The following NFKBIZ variants were observed in gnomAD, a reference collection of about 807,000 sequenced individuals.
The protein encoded by NFKBIZ is NFKB inhibitor zeta.
NFKBIZ carries 19 observed loss-of-function variants against 76.8 expected under a neutral mutation model. That is an observed-to-expected ratio of 0.25 (90% CI 0.17 to 0.36). NFKBIZ has a LOEUF of 0.36. Ranked by LOEUF, NFKBIZ falls within the 10% of genes least tolerant of loss-of-function variation. NFKBIZ has a pLI of 1.00. For missense variants in NFKBIZ, 829 were observed against 910.9 expected (o/e 0.91, Z 1.16); for synonymous variants, 368 against 354.8 (o/e 1.04, Z -0.42).
chr3:101,853,675 G>A lies in NFKBIZ; in HGVS notation c.1149G>A (p.Glu383=). 6.2e-7 allele frequency: 1 copy of A among 1,614,248 alleles called. No homozygotes were observed. The highest frequency in any genetic ancestry group is 8.5e-7 in the Non-Finnish European group (1 of 1,180,046). The part of the protein sequence containing the change: ...SFSMMPSSAC[E]AMVGHEMASD... ...GCATGATGCCCAGCAGCGCCTGTGA[G>A]GCCATGGTGGGGCACGAGATGGCCT... Residue 383 remains glutamate, a synonymous_variant, in exon 5 of 12, where the codon GAG becomes GAA. Transcript: ENST00000326172.
At chr3:101,830,953 C>T (rs960122985) in intron 2 of NFKBIZ, among the ~76,000 whole-genome samples, 1 of 152,216 alleles carries the variant, frequency 6.6e-6, no homozygotes, top group South Asian at 2.1e-4. Context: ...GATGTTATAT[C>T]TATAAAATGC....
At position 101,859,432 on chromosome 3, in the gene NFKBIZ, CT is replaced by C; in HGVS notation, c.*62del. The C allele has an allele frequency of 7.3e-7, 1 of 1,378,254 alleles. No individual in the cohort carries two copies. Among genetic ancestry groups the C allele is most frequent in the Non-Finnish European group, 1.0e-6 (1 of 965,562 alleles). 85.4% of individuals were successfully genotyped at this position (1,378,254 alleles called of 1,614,324 possible). On this transcript the variant is annotated 3_prime_UTR_variant, in exon 12 of 12. Coordinates refer to ENST00000326172, the MANE Select transcript of NFKBIZ (RefSeq NM_031419.4). ...TGTCAGTTAGGCAGTCCTGATGTAT[CT>C]GTACATAGACCATTTGCCTTATATT... is the stretch of plus-strand genomic sequence containing the variant.
intron 2 of NFKBIZ, among the ~76,000 whole-genome samples, chr3:101,842,564 TTTTTCTTTTTTCATTTTC>T (rs1033746645): frequency 5.3e-5 from 8 of 152,032 alleles, no homozygotes; most frequent in Non-Finnish European, 1.0e-4. Flanking sequence ...ATGTTTTTTC[TTTTTCTTTTTTCATTTTC>T]TTTTCTTTTC....
intron 1 of NFKBIZ, chr3:101,850,139 G>C (rs1370224093): frequency 1.6e-5 from 7 of 427,226 alleles, no homozygotes; most frequent in South Asian, 7.0e-5. Flanking sequence ...GCGGGCCTCG[G>C]GGGGGCTTCA....
At chr3:101,848,175 G>A (rs1469128299), upstream of NFKBIZ, among the ~76,000 whole-genome samples, 1 of 152,058 alleles carries the variant, frequency 6.6e-6, no homozygotes, top group African/African-American at 2.4e-5. Flanking sequence ...GATTAATTTT[G>A]CCTACCTAAA....
At chr3:101,837,591 A>G (rs940460306) in intron 2 of NFKBIZ, among the ~76,000 whole-genome samples, 3 of 152,186 alleles carry the variant, frequency 2.0e-5, no homozygotes, top group African/African-American at 7.2e-5. Flanking sequence ...TGTCAGGTGG[A>G]AAACACAGGG....
upstream of NFKBIZ, chr3:101,849,461 G>A (rs1942909760): frequency 4.0e-6 from 2 of 503,058 alleles, no homozygotes; most frequent in Non-Finnish European, 6.1e-6. Context: ...GCGCCGGGGA[G>A]GTCGGCGAGC....
intron 2 of NFKBIZ, among the ~76,000 whole-genome samples, chr3:101,833,611 A>G (rs1942676336): frequency 6.6e-6 from 1 of 152,186 alleles, no homozygotes; most frequent in Non-Finnish European, 1.5e-5. Flanking sequence ...AAGGCTGCCA[A>G]ATTTACCCTT....
chr3:101,831,678 C>T (rs745722518), intron 2 of NFKBIZ, among the ~76,000 whole-genome samples: 17 of 151,616 alleles, frequency 1.1e-4, no homozygotes, highest in Non-Finnish European at 1.8e-4. Flanking sequence ...CTCCCTCTGT[C>T]GCCCATGGTT....
chr3:101,856,098 T>A, intron 9 of NFKBIZ, 196 bp downstream of exon 9: 1 of 381,780 alleles, frequency 2.6e-6, no homozygotes, highest in Non-Finnish European at 4.7e-6. Flanking sequence ...TCGCCCAGGC[T>A]GGAATGCAGT....
At position 101,849,926 on chromosome 3, in the gene NFKBIZ, C is replaced by G. The variant is rs997201642; in HGVS notation, c.289+9C>G. 2 of 1,403,676 alleles carry G rather than the reference C, an allele frequency of 1.4e-6. No homozygotes were observed. Among genetic ancestry groups the G allele is most frequent in the Non-Finnish European group, 9.2e-7 (1 of 1,088,878 alleles). 87.0% of individuals were successfully genotyped at this position (1,403,676 alleles called of 1,614,324 possible). On this transcript the variant is annotated intron_variant, in intron 1 of 11. Coordinates refer to ENST00000326172, the MANE Select transcript of NFKBIZ (RefSeq NM_031419.4). Reference sequence around the variant, plus strand: ...CGCCGAGCGCCAGCCAGGTACCCGCCGGCCCCGCACCGCTGCGTACTCGGG... The same window carrying G: ...CGCCGAGCGCCAGCCAGGTACCCGCGGGCCCCGCACCGCTGCGTACTCGGG...
At position 101,856,509 on chromosome 3, in the gene NFKBIZ, T is replaced by C. The variant is rs530403930; in HGVS notation, c.1825-564T>C. ...ATTGTCATTTTGGCTTCCATTTTCA[T>C]ACACTGAGAATAAAGGTGCTTTTTG... On this transcript the variant is annotated intron_variant, in intron 9 of 11. Transcript: ENST00000326172. Among the ~76,000 whole-genome samples the C allele has an allele frequency of 3.1e-5, 3 of 97,032 alleles. No individual in the cohort carries two copies. In the South Asian group the frequency reaches 1.2e-3, roughly 38 times the overall value. 63.7% of individuals were successfully genotyped at this position (97,032 alleles called of 152,430 possible). A position where few individuals can be genotyped will look rare whatever the true frequency, so the allele number is the denominator to read the frequency against.
rs530167482 is a variant in NFKBIZ, at chr3:101,853,161, G to A, written c.635G>A (p.Ser212Asn). The A allele has an allele frequency of 2.5e-6, 4 of 1,614,156 alleles. No homozygotes were observed. The South Asian group carries it at 3.3e-5, about 13-fold the overall frequency. The change falls in exon 5 of 12, where the codon AGC becomes AAC. Residue 212 changes from serine to asparagine, a missense_variant. Physicochemically the swap from Ser to Asn is conservative, Grantham distance 46. This residue lies in a region of NFKBIZ where 371 missense variants were observed against 332.3 expected (regional missense o/e 1.12). Transcript: ENST00000326172. ...DVHLNEPKQE[S>N]SADLLQNIIN... ...CATCTCAATGAACCCAAACAGGAGA[G>A]CAGTGCTGATCTGCTTCAGAACATT...
chr3:101,855,101 A>G lies in NFKBIZ; in HGVS notation c.1483A>G (p.Ile495Val), dbSNP rs1449542741. Residue 495 changes from isoleucine to valine, a missense_variant, in exon 7 of 12, where the codon ATT becomes GTT. This residue lies in a region of NFKBIZ where 272 missense variants were observed against 384.2 expected (regional missense o/e 0.71). Coordinates refer to ENST00000326172, the MANE Select transcript of NFKBIZ (RefSeq NM_031419.4). The stretch of plus-strand genomic sequence containing the variant: ...GGCAGTGGCTGCCAATCAGCATCTC[A>G]TTGTGCAGGATCTGGTGAACATCGG... ...QVAVAANQHLIVQDLVNIGAQ... is the reference protein window; with the variant it reads ...QVAVAANQHLVVQDLVNIGAQ... 6.2e-7 allele frequency: 1 copy of G among 1,613,418 alleles called. No homozygotes were observed. The highest frequency in any genetic ancestry group is 1.7e-5 in the Admixed American group (1 of 59,740).
At chr3:101,842,577 A>ATTTTC (rs1204641999) in intron 2 of NFKBIZ, among the ~76,000 whole-genome samples, 24 of 133,056 alleles carry the variant, frequency 1.8e-4, no homozygotes, top group African/African-American at 5.4e-4. Context: ...TTCTTTTTTC[A>ATTTTC]TTTTCTTTTC....
At chr3:101,842,800 G>A (rs756653472) in intron 2 of NFKBIZ, among the ~76,000 whole-genome samples, 1 of 151,036 alleles carries the variant, frequency 6.6e-6, no homozygotes, top group Non-Finnish European at 1.5e-5. Context: ...AGTGGGCAAG[G>A]CTGGATGGGT....
chr3:101,835,464 A>G (rs146387050), intron 2 of NFKBIZ, among the ~76,000 whole-genome samples: 179 of 152,342 alleles, frequency 1.2e-3, no homozygotes, highest in Middle Eastern at 3.4e-3. Context: ...GGCTTAAACA[A>G]CGGAAATCTG....
chr3:101,850,669 C>A (rs1030538509), intron 1 of NFKBIZ, among the ~76,000 whole-genome samples: 5 of 152,162 alleles, frequency 3.3e-5, no homozygotes, highest in African/African-American at 4.8e-5. Flanking sequence ...GCTAGAAAAA[C>A]GCCTCGATAA....
chr3:101,849,207 C>T (rs1441157001), upstream of NFKBIZ: 1 of 153,088 alleles, frequency 6.5e-6, no homozygotes, highest in Non-Finnish European at 1.4e-5. Flanking sequence ...GGGCGAGGGA[C>T]GGGGTCCCGG....
Sources: gnomAD v4.1 joint callset for allele counts (sites outside exome capture counted in the v4.1 genomes callset) on GRCh38, gnomAD v4.1.1 for gene constraint, gnomAD v4.1.1 regional missense constraint, MANE v1.5 for transcripts, NCBI Gene and HGNC (gene_info 2026-07-23, HGNC 2026-07-21) for gene names.